The following FSTL4 variants were observed in gnomAD, a reference collection of about 807,000 sequenced individuals.
The protein encoded by FSTL4 is follistatin like 4, also known as follistatin-related protein 4.
FSTL4 carries 28 observed loss-of-function variants against 78.2 expected under a neutral mutation model. The ratio of observed to expected loss-of-function variants is 0.36; its 90% CI spans 0.27 to 0.49. The LOEUF is 0.49. Among genes scored for constraint, FSTL4 ranks in the 20% least tolerant of loss-of-function variants. The probability of loss-of-function intolerance (pLI) is 0.98; values close to 1 mark genes in which losing one functional copy is unlikely to be tolerated. For synonymous variants in FSTL4, 422 were observed against 440.5 expected, an observed-to-expected ratio of 0.96 and a Z score of 0.53; for missense variants, 922 against 1,084.9, an observed-to-expected ratio of 0.85 and a Z score of 2.11.
At chr5:133,517,786 G>T (rs1758895402) in intron 3 of FSTL4, among the ~76,000 whole-genome samples, 1 of 151,780 alleles carries the variant, frequency 6.6e-6, no homozygotes, top group African/African-American at 2.4e-5. Context: ...AAATCTGCAG[G>T]GTAGGCTGGC....
intron 3 of FSTL4, among the ~76,000 whole-genome samples, chr5:133,561,082 C>T (rs933211181): frequency 7.8e-5 from 11 of 140,712 alleles, no homozygotes; most frequent in South Asian, 2.4e-4. Context: ...GAGTGACACT[C>T]GGACTCAAAA....
intron 3 of FSTL4, among the ~76,000 whole-genome samples, chr5:133,421,187 G>A (rs1756684721): frequency 6.6e-6 from 1 of 152,264 alleles, no homozygotes; most frequent in Non-Finnish European, 1.5e-5. Flanking sequence ...TCTCAGGGCG[G>A]GGCAAGGGTA....
chr5:133,355,481 C>A (rs1005278930), intron 4 of FSTL4, among the ~76,000 whole-genome samples: 11 of 152,176 alleles, frequency 7.2e-5, no homozygotes, highest in East Asian at 3.9e-4. Flanking sequence ...CATGGTGAAA[C>A]CCCATCTCTA....
chr5:133,206,998 A>G (rs1750535683), intron 14 of FSTL4, among the ~76,000 whole-genome samples: 1 of 152,242 alleles, frequency 6.6e-6, no homozygotes, highest in Non-Finnish European at 1.5e-5. Context: ...CTTTGATCCA[A>G]TAGATATATC....
intron 4 of FSTL4, among the ~76,000 whole-genome samples, chr5:133,317,170 A>G (rs987422541): frequency 6.6e-6 from 1 of 152,212 alleles, no homozygotes; most frequent in Non-Finnish European, 1.5e-5. Flanking sequence ...ATTACTTCAA[A>G]ACAAACATAT....
the FSTL4 span, among the ~76,000 whole-genome samples, chr5:133,760,338 C>T: frequency 6.6e-6 from 1 of 152,216 alleles, no homozygotes; most frequent in Admixed American, 6.5e-5. Context: ...GGGAGCAGAA[C>T]CTCTACTTTC....
At chr5:133,398,508 C>G (rs969526481) in intron 4 of FSTL4, among the ~76,000 whole-genome samples, 1 of 152,224 alleles carries the variant, frequency 6.6e-6, no homozygotes, top group African/African-American at 2.4e-5. Context: ...CCAGACAGAA[C>G]CCTTGCTCCT....
intron 5 of FSTL4, among the ~76,000 whole-genome samples, chr5:133,314,088 C>T (rs925014450): frequency 3.3e-5 from 5 of 152,190 alleles, no homozygotes; most frequent in African/African-American, 1.2e-4. Flanking sequence ...GCCATGTGGG[C>T]CTGGATACCA....
the FSTL4 span, among the ~76,000 whole-genome samples, chr5:133,748,496 G>C: frequency 2.7e-5 from 4 of 150,936 alleles, no homozygotes; most frequent in African/African-American, 9.7e-5. Context: ...GCATGAACCT[G>C]GGAGGCAGAG....
At chr5:133,634,980 T>C in the FSTL4 span, among the ~76,000 whole-genome samples, 2,483 of 152,190 alleles carry the variant, frequency 0.016, 69 homozygotes, top group African/African-American at 0.057. Context: ...CTCCAGACAA[T>C]AGGATCTCTT....
intron 3 of FSTL4, among the ~76,000 whole-genome samples, chr5:133,468,335 A>G (rs1757754895): frequency 6.6e-6 from 1 of 152,170 alleles, no homozygotes; most frequent in Non-Finnish European, 1.5e-5. Flanking sequence ...CTAGAACCAG[A>G]CCCTGGGTGC....
At chr5:133,661,263 T>TACA in the FSTL4 span, among the ~76,000 whole-genome samples, 3 of 152,358 alleles carry the variant, frequency 2.0e-5, no homozygotes, top group Admixed American at 6.5e-5. Flanking sequence ...GTGCCGGGAT[T>TACA]ACAGGCGTGA....
chr5:133,281,831 T>C (rs1203147314), intron 6 of FSTL4, among the ~76,000 whole-genome samples: 1 of 151,994 alleles, frequency 6.6e-6, no homozygotes, highest in African/African-American at 2.4e-5. Flanking sequence ...GAGCAGGTCA[T>C]GGGGTTTGGG....
intron 4 of FSTL4, among the ~76,000 whole-genome samples, chr5:133,342,218 G>A (rs767369621): frequency 2.0e-5 from 3 of 152,252 alleles, no homozygotes; most frequent in Non-Finnish European, 2.9e-5. Flanking sequence ...GGAAACAGGC[G>A]CTGGACCCCC....
chr5:133,496,207 C>T (rs1368881357), intron 3 of FSTL4, among the ~76,000 whole-genome samples: 1 of 152,212 alleles, frequency 6.6e-6, no homozygotes, highest in South Asian at 2.1e-4. Flanking sequence ...GTATGCAACT[C>T]TGTAAAATAA....
chr5:133,466,871 TGTGA>T (rs1757718422), intron 3 of FSTL4, among the ~76,000 whole-genome samples: 1 of 151,756 alleles, frequency 6.6e-6, no homozygotes, highest in African/African-American at 2.4e-5. Context: ...AGGGTCAGAG[TGTGA>T]GTGTGTGTGT....
intron 3 of FSTL4, among the ~76,000 whole-genome samples, chr5:133,416,564 G>C (rs1051136903): frequency 5.3e-5 from 8 of 152,108 alleles, no homozygotes; most frequent in African/African-American, 1.9e-4. Context: ...AGAAAAACAG[G>C]ACAAGTTTAT....
At chr5:133,224,990 G>A (rs1412243175) in intron 10 of FSTL4, among the ~76,000 whole-genome samples, 160 bp downstream of exon 10, 1 of 152,200 alleles carries the variant, frequency 6.6e-6, no homozygotes, top group African/African-American at 2.4e-5. Flanking sequence ...ACCTCTGGGT[G>A]CCCTCCAATT....
At chr5:133,334,624 G>A (rs1278306064) in intron 4 of FSTL4, among the ~76,000 whole-genome samples, 1 of 152,194 alleles carries the variant, frequency 6.6e-6, no homozygotes, top group Non-Finnish European at 1.5e-5. Context: ...TCAATGATAT[G>A]TTTATTTAAA....
Sources: allele counts gnomAD v4.1 joint callset (sites outside exome capture counted in the v4.1 genomes callset), GRCh38; gene constraint gnomAD v4.1.1; transcripts MANE v1.5; gene names NCBI Gene and HGNC (gene_info 2026-07-23, HGNC 2026-07-21).